ABRAXAS1: variants seen among roughly 807,000 people sequenced by gnomAD.
The protein encoded by ABRAXAS1 is BRCA1-A complex subunit Abraxas 1.
Under a neutral mutation model 38.4 loss-of-function variants are expected in ABRAXAS1, and 26 were observed. The observed-to-expected ratio is 0.68, with a 90% CI of 0.50 to 0.94. The LOEUF (loss-of-function observed/expected upper bound fraction) is 0.94. ABRAXAS1 is among the 40% of genes least tolerant of loss of function. The pLI is 0.00. For synonymous variants in ABRAXAS1, 144 were observed against 165.5 expected (o/e 0.87, Z 1.00); for missense variants, 438 against 481.9 (o/e 0.91, Z 0.85).
rs528517978 is a variant in ABRAXAS1, at chr4:83,474,990, A to G, written c.215+1653T>C. ...ACCCTCTGAATGAGAGGTATTTCACATGTCTCTCCTAATGCCTTTCCACCC... is the reference window on the plus strand; with the variant it reads ...ACCCTCTGAATGAGAGGTATTTCACGTGTCTCTCCTAATGCCTTTCCACCC... On this transcript the variant is annotated intron_variant, in intron 3 of 8. Coordinates refer to ENST00000321945, the MANE Select transcript of ABRAXAS1 (RefSeq NM_139076.3). Among the ~76,000 whole-genome samples the G allele has an allele frequency of 2.4e-4, 37 of 152,296 alleles. 1 individual carries two copies. In the South Asian group the frequency reaches 7.7e-3, roughly 32 times the overall value.
chr4:83,462,220 C>G lies in ABRAXAS1; in HGVS notation c.*249G>C. 1 of 162,434 alleles carries G rather than the reference C, an allele frequency of 6.2e-6. No homozygotes were observed. Among genetic ancestry groups the G allele is most frequent in the South Asian group, 1.0e-4 (1 of 9,616 alleles). The allele number at this position is 162,434 out of a possible 1,614,324, so 10.1% of individuals were successfully genotyped here. The stretch of plus-strand genomic sequence containing the variant: ...ACTTTTCCAATTCTAAAGAATGTGT[C>G]TGTGTAAGCCTTCCCCTCAACAACT... On this transcript the variant is annotated 3_prime_UTR_variant, in exon 9 of 9. Coordinates refer to ENST00000321945, the MANE Select transcript of ABRAXAS1 (RefSeq NM_139076.3).
At chr4:83,465,891 T>G (rs1560572480) in intron 7 of ABRAXAS1, among the ~76,000 whole-genome samples, 1 of 152,330 alleles carries the variant, frequency 6.6e-6, no homozygotes, top group East Asian at 1.9e-4. Context: ...TTTAACTGCT[T>G]TTCTGTTAGT....
intron 7 of ABRAXAS1, among the ~76,000 whole-genome samples, chr4:83,464,202 A>G (rs1329854833): frequency 6.6e-6 from 1 of 152,174 alleles, no homozygotes; most frequent in Admixed American, 6.5e-5. Flanking sequence ...AAAACAAACA[A>G]AAAAACTTTG....
At chr4:83,463,066 TTCTAAGAC>T (rs1405220823) in intron 8 of ABRAXAS1, among the ~76,000 whole-genome samples, 164 bp from the exon 9 acceptor site, 6 of 152,196 alleles carry the variant, frequency 3.9e-5, no homozygotes, top group Non-Finnish European at 7.3e-5. Context: ...TGCCACAGTA[TTCTAAGAC>T]AAAATTAAAG....
Position 83,470,368 on chromosome 4 carries a change from C to T in ABRAXAS1, c.311G>A (p.Arg104His), listed in dbSNP as rs542570943. ...KNVVGWYKFR[R>H]HSDQIMTFRE... ...AAACGTCATGATCTGATCTGAATGA[C>T]GACGGAATTTGTACCAACCTACCAC... The change falls in exon 5 of 9, where the codon CGT becomes CAT. Residue 104 changes from arginine to histidine, a missense_variant. Physicochemically the swap from Arg to His is conservative, Grantham distance 29. Coordinates refer to ENST00000321945, the MANE Select transcript of ABRAXAS1 (RefSeq NM_139076.3). The T allele has an allele frequency of 3.7e-6, 6 of 1,612,714 alleles. No individual in the cohort carries two copies. Among genetic ancestry groups the T allele is most frequent in the Admixed American group, 1.7e-5 (1 of 59,844 alleles).
At chr4:83,482,280 G>A (rs748011327) in intron 1 of ABRAXAS1, 36 bp from the exon 2 acceptor site, 10 of 1,269,020 alleles carry the variant, frequency 7.9e-6, no homozygotes, top group Non-Finnish European at 1.1e-5. Flanking sequence ...AGAATACACT[G>A]ATAGAATTAC....
chr4:83,476,785 A>AT (rs1351364486), intron 2 of ABRAXAS1, 106 bp from the exon 3 acceptor site: 6 of 668,828 alleles, frequency 9.0e-6, no homozygotes, highest in Non-Finnish European at 1.6e-5. Context: ...TTTACCACTG[A>AT]TTATCTGATT....
chr4:83,478,412 G>A (rs1722863979), intron 2 of ABRAXAS1: 2 of 518,956 alleles, frequency 3.9e-6, no homozygotes, highest in Admixed American at 4.6e-5. Flanking sequence ...AGCTCAAGAG[G>A]CTTTAAATCT....
chr4:83,465,378 A>C (rs1244404685), intron 7 of ABRAXAS1, among the ~76,000 whole-genome samples: 1 of 152,058 alleles, frequency 6.6e-6, no homozygotes, highest in Non-Finnish European at 1.5e-5. Context: ...TTATGTACCA[A>C]GTTTTTTAAA....
At position 83,469,070 on chromosome 4, in the gene ABRAXAS1, A is replaced by G; in HGVS notation, c.558T>C (p.Cys186=). ...CTGCTCGGCTAAAACCAGTGGACAT[A>G]CAGGAACCTGATACAGTTTTATAAC... ...QLGYKTVSGS[C]MSTGFSRAVQ... The change falls in exon 6 of 9, where the codon TGT becomes TGC. Residue 186 remains cysteine, a synonymous_variant. Coordinates refer to ENST00000321945, the MANE Select transcript of ABRAXAS1 (RefSeq NM_139076.3). The G allele has an allele frequency of 6.2e-7, 1 of 1,613,748 alleles. No individual in the cohort carries two copies. Among genetic ancestry groups the G allele is most frequent in the Non-Finnish European group, 8.5e-7 (1 of 1,180,006 alleles).
chr4:83,462,935 A>G (rs367607222), intron 8 of ABRAXAS1, 33 bp from the exon 9 acceptor site: 1 of 1,378,998 alleles, frequency 7.3e-7, no homozygotes, highest in Non-Finnish European at 9.8e-7. Flanking sequence ...TCAACATATA[A>G]CATTTCTTCT....
At chr4:83,478,374 A>T in intron 2 of ABRAXAS1, 1 of 576,984 alleles carries the variant, frequency 1.7e-6, no homozygotes, top group South Asian at 1.4e-5. Context: ...TGGACCCTGG[A>T]ACATCATTCT....
chr4:83,463,434 AAAATAAAT>A, intron 8 of ABRAXAS1, 52 bp downstream of exon 8: 1 of 1,287,108 alleles, frequency 7.8e-7, no homozygotes, highest in Non-Finnish European at 1.1e-6. Flanking sequence ...CTCCGTCTCA[AAAATAAAT>A]AAATAAATAA....
At position 83,470,395 on chromosome 4, in the gene ABRAXAS1, T is replaced by C; in HGVS notation, c.284A>G (p.Asn95Ser). Reference sequence around the variant, plus strand: ...ACGGAATTTGTACCAACCTACCACATTCTGAAATACAGAATAAAAAGGATA... The same window carrying C: ...ACGGAATTTGTACCAACCTACCACACTCTGAAATACAGAATAAAAAGGATA... Reference protein sequence around the residue: ...LKKILSNVKKNVVGWYKFRRH... With the variant: ...LKKILSNVKKSVVGWYKFRRH... Residue 95 changes from asparagine (N) to serine (S), a missense_variant and splice_region_variant, in exon 5 of 9, where the codon AAT (asparagine) becomes AGT (serine). Asn to Ser is a conservative substitution (Grantham distance 46). Coordinates refer to ENST00000321945, the MANE Select transcript of ABRAXAS1 (RefSeq NM_139076.3). 6.2e-7 allele frequency: 1 copy of C among 1,608,772 alleles called. No individual in the cohort carries two copies. The highest frequency in any genetic ancestry group is 8.5e-7 in the Non-Finnish European group (1 of 1,176,192).
intron 2 of ABRAXAS1, chr4:83,478,860 A>G (rs1463739388): frequency 1.3e-5 from 2 of 153,130 alleles, no homozygotes; most frequent in Middle Eastern, 3.4e-3. Context: ...CTGTATTAGC[A>G]TATGTATAAA....
chr4:83,477,402 C>CA (rs111579408), intron 2 of ABRAXAS1: 5,764 of 163,284 alleles, frequency 0.035, 33 homozygotes, highest in South Asian at 0.065. Context: ...GTGTCCGAAC[C>CA]AAAAAAAAAA....
In ABRAXAS1 at chr4:83,460,105, G is replaced by A. The variant is rs895934269; in HGVS notation, c.*2364C>T. The A allele has an allele frequency of 5.0e-6, 1 of 198,978 alleles. No individual in the cohort carries two copies. The highest frequency in any genetic ancestry group is 6.0e-5 in the Admixed American group (1 of 16,766). The allele number at this position is 198,978 out of a possible 1,614,324, so 12.3% of individuals were successfully genotyped here. A position where few individuals can be genotyped will look rare whatever the true frequency, so the allele number is the denominator to read the frequency against. On this transcript the variant is annotated 3_prime_UTR_variant, in exon 9 of 9. Coordinates refer to ENST00000321945, the MANE Select transcript of ABRAXAS1 (RefSeq NM_139076.3). ...TGGTGTCAGCAAACTATGGCCCATA[G>A]GCCAAATTCGACCTGCTCCCTTTTT...
chr4:83,470,249 A>C lies in ABRAXAS1; in HGVS notation c.430T>G (p.Cys144Gly). 1 of 1,613,810 alleles carries C rather than the reference A, an allele frequency of 6.2e-7. No homozygotes were observed. Among genetic ancestry groups the C allele is most frequent in the African/African-American group, 1.3e-5 (1 of 75,046 alleles). Residue 144 changes from cysteine to glycine, a missense_variant, in exon 5 of 9, where the codon TGC (cysteine) becomes GGC (glycine). Transcript: ENST00000321945. ...LLTPSIITES[C>G]STHRLEHSLY... ...GAATGTTCCAGTCGATGAGTAGAGC[A>C]GCTTTCTGTTATTATACTTGGTGTT... is the stretch of plus-strand genomic sequence containing the variant.
chr4:83,479,758 T>G (rs1722916827), intron 2 of ABRAXAS1: 1 of 154,946 alleles, frequency 6.5e-6, no homozygotes. Flanking sequence ...GCCTAGGAGT[T>G]TGAGACCAGC....
Sources: allele counts gnomAD v4.1 joint callset (sites outside exome capture counted in the v4.1 genomes callset), GRCh38; gene constraint gnomAD v4.1.1; transcripts MANE v1.5; gene names NCBI Gene and HGNC (gene_info 2026-07-23, HGNC 2026-07-21).